The following CNTNAP2 variants were observed in gnomAD, a reference collection of about 807,000 sequenced individuals.
The protein encoded by CNTNAP2 is contactin-associated protein-like 2.
In CNTNAP2, 98 loss-of-function variants were observed where a neutral mutation model predicts 155.2. The ratio of observed to expected loss-of-function variants is 0.63; its 90% CI spans 0.54 to 0.75. CNTNAP2 has a LOEUF of 0.75. Ranked by LOEUF, CNTNAP2 falls within the 30% of genes least tolerant of loss-of-function variation. CNTNAP2 has a pLI of 0.00. For synonymous variants in CNTNAP2, 651 were observed against 631.2 expected, an observed-to-expected ratio of 1.03 and a Z score of -0.47; for missense variants, 1,727 against 1,688.1, an observed-to-expected ratio of 1.02 and a Z score of -0.40.
intron 1 of CNTNAP2, among the ~76,000 whole-genome samples, chr7:146,731,493 G>C (rs955014279): frequency 6.6e-6 from 1 of 151,018 alleles, no homozygotes; most frequent in Non-Finnish European, 1.5e-5. Flanking sequence ...AACATTTAGG[G>C]AACAGAGTCC....
rs535807708 is a variant in CNTNAP2, at chr7:146,675,828, G to T, written c.98-98443G>T. Among the ~76,000 whole-genome samples the T allele has an allele frequency of 2.0e-5, 3 of 148,682 alleles. No individual in the cohort carries two copies. The East Asian group carries it at 5.8e-4, about 29-fold the overall frequency. ...GGCAATGTTCTTAGTTGTATTCATT[G>T]TTATCAATTTAGTCATTAAAAAACA... On this transcript the variant is annotated intron_variant, in intron 1 of 23. Transcript: ENST00000361727.
At chr7:147,830,044 C>T (rs2116633706) in intron 13 of CNTNAP2, among the ~76,000 whole-genome samples, 2 of 151,982 alleles carry the variant, frequency 1.3e-5, no homozygotes, top group Middle Eastern at 6.8e-3. Context: ...CTCATGCACC[C>T]GTTCTAGTCC....
intron 10 of CNTNAP2, among the ~76,000 whole-genome samples, chr7:147,397,063 A>C (rs1006727509): frequency 2.0e-5 from 3 of 152,204 alleles, no homozygotes; most frequent in African/African-American, 7.2e-5. Context: ...TGTGAATGGT[A>C]AGTTACAGTT....
At chr7:147,492,185 CA>C (rs1178763852) in intron 11 of CNTNAP2, among the ~76,000 whole-genome samples, 2 of 152,116 alleles carry the variant, frequency 1.3e-5, no homozygotes, top group East Asian at 3.9e-4. Context: ...GATCACCAGG[CA>C]TTAGTTGAAT....
chr7:147,229,276 C>T (rs1346433093), intron 8 of CNTNAP2, among the ~76,000 whole-genome samples: 1 of 152,124 alleles, frequency 6.6e-6, no homozygotes, highest in Non-Finnish European at 1.5e-5. Context: ...TTCATCTCTC[C>T]TTGAAAATTG....
chr7:147,392,396 T>C (rs1796735067), intron 9 of CNTNAP2, among the ~76,000 whole-genome samples: 1 of 151,852 alleles, frequency 6.6e-6, no homozygotes, highest in Non-Finnish European at 1.5e-5. Context: ...GGGGAACAGG[T>C]GGTATTTGGC....
At chr7:146,663,672 T>A (rs907575514) in intron 1 of CNTNAP2, among the ~76,000 whole-genome samples, 4 of 152,208 alleles carry the variant, frequency 2.6e-5, no homozygotes, top group Admixed American at 1.3e-4. Flanking sequence ...GAATTGTTAT[T>A]TCTAATATAA....
chr7:146,525,614 A>G (rs527538864), intron 1 of CNTNAP2, among the ~76,000 whole-genome samples: 7 of 151,678 alleles, frequency 4.6e-5, no homozygotes, highest in African/African-American at 1.7e-4. Context: ...TGATGTATTG[A>G]TTCATTGATT....
Position 146,790,567 on chromosome 7 carries a change from GA to G in CNTNAP2, c.208+16187del, listed in dbSNP as rs1225604643. Among the ~76,000 whole-genome samples the G allele has an allele frequency of 2.2e-5, 3 of 138,836 alleles. No individual in the cohort carries two copies. In the East Asian group the frequency reaches 5.9e-4, roughly 27 times the overall value. The allele number at this position is 138,836 out of a possible 152,430, so 91.1% of individuals were successfully genotyped here. A position where few individuals can be genotyped will look rare whatever the true frequency, so the allele number is the denominator to read the frequency against. The stretch of plus-strand genomic sequence containing the variant: ...ATCTTATCTTCGTGATTTGGTCAGT[GA>G]TTTTTTTTTTTTTTTTTGTAAGACG... On this transcript the variant is annotated intron_variant, in intron 2 of 23. Transcript: ENST00000361727.
intron 13 of CNTNAP2, among the ~76,000 whole-genome samples, chr7:147,744,319 T>C: frequency 6.6e-6 from 1 of 152,220 alleles, no homozygotes; most frequent in Non-Finnish European, 1.5e-5. Context: ...ATAAGCAGAA[T>C]TCCTGGTATT....
chr7:147,379,764 G>T (rs979167336), intron 9 of CNTNAP2, among the ~76,000 whole-genome samples: 14 of 151,952 alleles, frequency 9.2e-5, no homozygotes, highest in African/African-American at 3.4e-4. Flanking sequence ...GGGGCTAGGG[G>T]CGTGAGGGAG....
At chr7:147,630,656 G>A (rs1584867634) in intron 12 of CNTNAP2, among the ~76,000 whole-genome samples, 1 of 152,122 alleles carries the variant, frequency 6.6e-6, no homozygotes, top group East Asian at 1.9e-4. Context: ...CAGGGATGCA[G>A]GGATGATTTA....
chr7:146,971,580 T>G (rs1797799566), intron 3 of CNTNAP2, among the ~76,000 whole-genome samples: 1 of 152,180 alleles, frequency 6.6e-6, no homozygotes, highest in Admixed American at 6.5e-5. Flanking sequence ...AAACTCAGGT[T>G]GCCAGCGTAG....
At chr7:147,900,305 C>A (rs1459332770) in intron 13 of CNTNAP2, among the ~76,000 whole-genome samples, 1 of 152,130 alleles carries the variant, frequency 6.6e-6, no homozygotes, top group African/African-American at 2.4e-5. Context: ...TGGGAGGTGA[C>A]TGGATCATGA....
chr7:146,916,008 CT>C (rs1484636422), intron 3 of CNTNAP2: 1 of 151,740 alleles, frequency 6.6e-6, no homozygotes, highest in East Asian at 1.9e-4. Flanking sequence ...GCCGATTTTG[CT>C]GAGGATTTTA....
At chr7:147,233,798 CAA>C (rs1432878355) in intron 8 of CNTNAP2, among the ~76,000 whole-genome samples, 1 of 151,738 alleles carries the variant, frequency 6.6e-6, no homozygotes, top group Non-Finnish European at 1.5e-5. Flanking sequence ...ATGTCTAAAA[CAA>C]AGATATATAA....
chr7:147,864,929 G>T (rs924777988), intron 13 of CNTNAP2, among the ~76,000 whole-genome samples: 1 of 152,040 alleles, frequency 6.6e-6, no homozygotes, highest in African/African-American at 2.4e-5. Flanking sequence ...TCTTTCTCCT[G>T]CCTGATTGCC....
At position 148,147,474 on chromosome 7, in the gene CNTNAP2, G is replaced by A; in HGVS notation, c.2555-17G>A. Reference sequence around the variant, plus strand: ...GGAGAAAAATACTCATGTTTTTCATGCTTTCTGCTCCTCCAGCTGCCACAG... The same window carrying A: ...GGAGAAAAATACTCATGTTTTTCATACTTTCTGCTCCTCCAGCTGCCACAG... On this transcript the variant is annotated splice_polypyrimidine_tract_variant and intron_variant, in intron 16 of 23. Coordinates refer to ENST00000361727, the MANE Select transcript of CNTNAP2 (RefSeq NM_014141.6). 2 of 1,612,014 alleles carry A rather than the reference G, an allele frequency of 1.2e-6. No homozygotes were observed. The highest frequency in any genetic ancestry group is 1.7e-6 in the Non-Finnish European group (2 of 1,178,180).
chr7:148,093,228 GA>G (rs1208286034), intron 15 of CNTNAP2, among the ~76,000 whole-genome samples: 2 of 151,538 alleles, frequency 1.3e-5, no homozygotes, highest in Admixed American at 6.6e-5. Context: ...AGGAAAGCTA[GA>G]AAAAATAATA....
Sources: gnomAD v4.1 joint callset for allele counts (sites outside exome capture counted in the v4.1 genomes callset) on GRCh38, gnomAD v4.1.1 for gene constraint, MANE v1.5 for transcripts, NCBI Gene and HGNC (gene_info 2026-07-23, HGNC 2026-07-21) for gene names.